ALK: variants seen among roughly 807,000 people sequenced by gnomAD.
ALK encodes ALK tyrosine kinase receptor.
ALK carries 74 observed loss-of-function variants against 163.1 expected under a neutral mutation model. The ratio of observed to expected loss-of-function variants is 0.45; its 90% confidence interval spans 0.38 to 0.55. The LOEUF (loss-of-function observed/expected upper bound fraction) is 0.55. Ranked by LOEUF, ALK falls within the 20% of genes least tolerant of loss-of-function variation. The pLI is 0.00. For missense variants in ALK, 2,063 were observed against 2,105.3 expected (o/e 0.98, Z 0.39); for synonymous variants, 960 against 843.2 (o/e 1.14, Z -2.40).
intron 3 of ALK, among the ~76,000 whole-genome samples, chr2:29,632,081 C>G (rs1464013127): frequency 6.6e-6 from 1 of 152,208 alleles, no homozygotes; most frequent in Non-Finnish European, 1.5e-5. Context: ...GGATTCATCT[C>G]TTAGGGTTGG....
chr2:29,739,557 C>CAA (rs111281224), intron 1 of ALK, among the ~76,000 whole-genome samples: 7 of 71,864 alleles, frequency 9.7e-5, no homozygotes, highest in African/African-American at 2.2e-4. Context: ...GAATCTGTCT[C>CAA]AAAAAAAAAA....
At chr2:29,879,596 G>C (rs1038945272) in intron 1 of ALK, among the ~76,000 whole-genome samples, 1 of 152,122 alleles carries the variant, frequency 6.6e-6, no homozygotes, top group Non-Finnish European at 1.5e-5. Context: ...GGGAAAGTAG[G>C]GTCTGAAGGA....
chr2:29,734,746 T>G (rs576761597), intron 1 of ALK, among the ~76,000 whole-genome samples: 4 of 151,668 alleles, frequency 2.6e-5, no homozygotes, highest in Admixed American at 2.0e-4. Context: ...TAAAAGAAAA[T>G]TAAAATACTG....
chr2:29,681,583 T>A (rs1028675889), intron 3 of ALK, among the ~76,000 whole-genome samples: 1 of 152,164 alleles, frequency 6.6e-6, no homozygotes, highest in Non-Finnish European at 1.5e-5. Flanking sequence ...TACACAACCG[T>A]AGGATTGGCT....
intron 3 of ALK, among the ~76,000 whole-genome samples, chr2:29,594,424 C>T (rs1326481258): frequency 6.8e-6 from 1 of 146,858 alleles, no homozygotes; most frequent in Non-Finnish European, 1.5e-5. Context: ...AAGGTCTCCT[C>T]ACTTTTTTTT....
At chr2:29,312,395 G>C (rs577045998) in intron 8 of ALK, among the ~76,000 whole-genome samples, 2 of 152,134 alleles carry the variant, frequency 1.3e-5, no homozygotes, top group East Asian at 3.9e-4. Flanking sequence ...AGGCTAGAAA[G>C]TGGGGGGGCT....
chr2:29,874,534 T>C (rs1227952871), intron 1 of ALK, among the ~76,000 whole-genome samples: 1 of 152,200 alleles, frequency 6.6e-6, no homozygotes, highest in Admixed American at 6.5e-5. Flanking sequence ...CCGGCCCACA[T>C]GCACCTAGAT....
chr2:29,692,019 G>A (rs1678413919), intron 3 of ALK, among the ~76,000 whole-genome samples: 1 of 152,172 alleles, frequency 6.6e-6, no homozygotes, highest in African/African-American at 2.4e-5. Flanking sequence ...TTGGAATCTG[G>A]AGATAGTCCT....
chr2:29,257,771 G>A (rs1047877302), intron 11 of ALK, among the ~76,000 whole-genome samples: 1 of 152,160 alleles, frequency 6.6e-6, no homozygotes, highest in African/African-American at 2.4e-5. Context: ...GGCATACAGA[G>A]CCATTTTGAT....
chr2:29,272,087 C>T (rs1665404141), intron 11 of ALK, among the ~76,000 whole-genome samples: 1 of 151,932 alleles, frequency 6.6e-6, no homozygotes, highest in Admixed American at 6.6e-5. Context: ...CTGACTGTTC[C>T]TCCTCACTGC....
At chr2:29,687,325 C>A (rs1389794484) in intron 3 of ALK, among the ~76,000 whole-genome samples, 1 of 151,836 alleles carries the variant, frequency 6.6e-6, no homozygotes, top group Non-Finnish European at 1.5e-5. Context: ...GACTTGGGAG[C>A]CCATGCCAGC....
At chr2:29,358,625 T>C (rs188124555) in intron 5 of ALK, among the ~76,000 whole-genome samples, 90 of 152,332 alleles carry the variant, frequency 5.9e-4, no homozygotes, top group African/African-American at 2.1e-3. Context: ...AATTTGATTG[T>C]TTGCCAGTTC....
intron 23 of ALK, among the ~76,000 whole-genome samples, chr2:29,218,902 G>A (rs1365262793): frequency 5.9e-5 from 9 of 152,236 alleles, no homozygotes; most frequent in African/African-American, 1.7e-4. Flanking sequence ...AGAGATGCCT[G>A]GATGCCTGGC....
intron 5 of ALK, among the ~76,000 whole-genome samples, chr2:29,355,336 C>T (rs1558690538): frequency 6.6e-6 from 1 of 152,210 alleles, no homozygotes; most frequent in Non-Finnish European, 1.5e-5. Context: ...CAGGTCCCCA[C>T]ATTCCCACTC....
At chr2:29,396,846 T>TGTTTTTTG (rs1259218573) in intron 4 of ALK, among the ~76,000 whole-genome samples, 1 of 132,496 alleles carries the variant, frequency 7.5e-6, no homozygotes, top group African/African-American at 3.0e-5. Context: ...GTTTTTTTTT[T>TGTTTTTTG]TTTTTTTTTT....
chr2:29,750,289 C>A (rs943432027), intron 1 of ALK, among the ~76,000 whole-genome samples: 10 of 152,134 alleles, frequency 6.6e-5, no homozygotes, highest in African/African-American at 2.4e-4. Flanking sequence ...AACCAGGCCA[C>A]AGTACAGCAT....
At chr2:29,580,318 C>A (rs1005077356) in intron 3 of ALK, among the ~76,000 whole-genome samples, 1 of 152,166 alleles carries the variant, frequency 6.6e-6, no homozygotes, top group Non-Finnish European at 1.5e-5. Context: ...TGAAAAGCTG[C>A]CTTTTGTAAA....
At chr2:29,680,765 C>G (rs114766324) in intron 3 of ALK, among the ~76,000 whole-genome samples, 1,805 of 152,156 alleles carry the variant, frequency 0.012, 32 homozygotes, top group African/African-American at 0.041. Flanking sequence ...TGTATATATT[C>G]TCATTTTTGT....
intron 3 of ALK, among the ~76,000 whole-genome samples, chr2:29,596,129 A>G (rs746885453): frequency 1.3e-5 from 2 of 152,196 alleles, no homozygotes; most frequent in Non-Finnish European, 2.9e-5. Flanking sequence ...TTTCAATTGC[A>G]CACGTTTGTG....
Sources: gnomAD v4.1 joint callset for allele counts (sites outside exome capture counted in the v4.1 genomes callset) on GRCh38, gnomAD v4.1.1 for gene constraint, MANE v1.5 for transcripts, NCBI Gene and HGNC (gene_info 2026-07-23, HGNC 2026-07-21) for gene names.